Variants in TF observed in about 807,000 individuals in gnomAD.
The protein encoded by TF is serotransferrin.
TF carries 55 observed loss-of-function variants against 82.4 expected under a neutral mutation model. The ratio of observed to expected loss-of-function variants is 0.67; its 90% CI spans 0.54 to 0.84. The LOEUF (loss-of-function observed/expected upper bound fraction) is 0.84. Among genes scored for constraint, TF ranks in the 40% least tolerant of loss-of-function variants. The probability of loss-of-function intolerance (pLI) is 0.00; values close to 1 mark genes in which losing one functional copy is unlikely to be tolerated. For synonymous variants in TF, 332 were observed against 332.6 expected (o/e 1.00, Z 0.02); for missense variants, 737 against 868.4 (o/e 0.85, Z 1.90).
chr3:133,677,561 C>T, the TF span, among the ~76,000 whole-genome samples: 4 of 152,102 alleles, frequency 2.6e-5, no homozygotes, highest in Non-Finnish European at 5.9e-5. Context: ...CGCTTGAACC[C>T]GGGAGGCGGA....
At chr3:133,736,632 A>AAAAAAG in the TF span, among the ~76,000 whole-genome samples, 2 of 50,218 alleles carry the variant, frequency 4.0e-5, no homozygotes, top group East Asian at 7.3e-4. Context: ...ATGGAAAGCC[A>AAAAAAG]AAAAAAAAAA....
At position 133,786,458 on chromosome 3, in the gene TF, C is replaced by G. The variant is rs1191941132; in HGVS notation, c.*7838C>G. On this transcript the variant is annotated 3_prime_UTR_variant, in exon 17 of 17. Coordinates refer to ENST00000402696, the MANE Select transcript of TF (RefSeq NM_001063.4). ...AGAGAGGAAAGGAAGTGTAAGAGCT[C>G]TATGCCAATGTGCTTATAGTGAGGC... The G allele has an allele frequency of 6.6e-6, 1 of 152,116 alleles. No individual in the cohort carries two copies. Among genetic ancestry groups the G allele is most frequent in the Non-Finnish European group, 1.5e-5 (1 of 68,026 alleles). The allele number at this position is 152,116 out of a possible 1,614,324, so 9.4% of individuals were successfully genotyped here. A position where few individuals can be genotyped will look rare whatever the true frequency, so the allele number is the denominator to read the frequency against.
chr3:133,693,994 C>G, the TF span, among the ~76,000 whole-genome samples: 1 of 152,180 alleles, frequency 6.6e-6, no homozygotes, highest in Non-Finnish European at 1.5e-5. Flanking sequence ...GATGCCTAAA[C>G]CCGCAGGGAC....
At position 133,759,233 on chromosome 3, in the gene TF, C is replaced by T. The variant is rs112157819; in HGVS notation, c.1107C>T (p.His369=). The T allele has an allele frequency of 7.6e-5, 123 of 1,614,030 alleles. No individual in the cohort carries two copies. The African/African-American group carries it at 8.9e-4, about 12-fold the overall frequency. The part of the protein sequence containing the change: ...KPVKWCALSH[H]ERLKCDEWSV... ...TGAAGTGGTGTGCGCTGAGCCACCA[C>T]GAGAGGCTCAAGTGTGATGAGTGGA... The change falls in exon 9 of 17, where the codon CAC becomes CAT. Residue 369 remains histidine (H), a synonymous_variant. Transcript: ENST00000402696.
At chr3:133,732,363 TC>T in the TF span, among the ~76,000 whole-genome samples, 1 of 152,056 alleles carries the variant, frequency 6.6e-6, no homozygotes, top group Non-Finnish European at 1.5e-5. Flanking sequence ...CAGCATGCTG[TC>T]AAAACGGACC....
chr3:133,695,549 A>C, the TF span, among the ~76,000 whole-genome samples: 2 of 152,252 alleles, frequency 1.3e-5, no homozygotes, highest in Non-Finnish European at 2.9e-5. Flanking sequence ...TCTAGATATA[A>C]GTTGCCTTAT....
Position 133,768,116 on chromosome 3 carries a change from G to A in TF, c.1574G>A (p.Cys525Tyr). 1.2e-6 allele frequency: 2 copies of A among 1,614,172 alleles called. No individual in the cohort carries two copies. The highest frequency in any genetic ancestry group is 1.7e-6 in the Non-Finnish European group (2 of 1,180,042). Residue 525 changes from cysteine to tyrosine, a missense_variant, in exon 13 of 17, where the codon TGT (cysteine) becomes TAT (tyrosine). Cys to Tyr is a radical substitution (Grantham distance 194). Transcript: ENST00000402696. ...TGTATGGGCTCAGGCCTAAACCTGT[G>A]TGAACCCAACAACAAAGAGGGATAC... The part of the protein sequence containing the change: ...KLCMGSGLNL[C>Y]EPNNKEGYYG...
chr3:133,771,759 A>AG (rs1934265611), intron 14 of TF, among the ~76,000 whole-genome samples: 1 of 149,920 alleles, frequency 6.7e-6, no homozygotes, highest in Non-Finnish European at 1.5e-5. Context: ...AAAAAAAAAA[A>AG]AAAAAAAGAA....
intron 14 of TF, chr3:133,774,768 G>T (rs1934343044): frequency 5.5e-6 from 1 of 183,436 alleles, no homozygotes; most frequent in Non-Finnish European, 1.2e-5. Flanking sequence ...TAAAAAGGTT[G>T]CAATTCTGAA....
rs8177268 is a variant in TF at position 133,762,907 on chromosome 3, G to A, written c.1204-1275G>A. Among the ~76,000 whole-genome samples the A allele has an allele frequency of 5.1e-3, 781 of 152,312 alleles. 5 individuals carry two copies. The highest frequency in any genetic ancestry group is 0.018 in the African/African-American group (749 of 41,574). ...AAATAGGAAATTATTTGAAATGCAT[G>A]TTTCAAACTGTGAGGCAAACTCCAT... is the stretch of plus-strand genomic sequence containing the variant. On this transcript the variant is annotated intron_variant, in intron 9 of 16. Coordinates refer to ENST00000402696, the MANE Select transcript of TF (RefSeq NM_001063.4).
the TF span, among the ~76,000 whole-genome samples, chr3:133,740,910 GT>G: frequency 0.077 from 4,175 of 54,106 alleles, 89 homozygotes; most frequent in South Asian, 0.17. Context: ...CATTTTTCAT[GT>G]TTTTTTTTTT....
the TF span, among the ~76,000 whole-genome samples, chr3:133,675,121 T>G: frequency 6.6e-6 from 1 of 151,526 alleles, no homozygotes; most frequent in East Asian, 1.9e-4. Flanking sequence ...GGCGGGAGAC[T>G]GTAGTCCCAG....
At chr3:133,678,134 T>C in the TF span, among the ~76,000 whole-genome samples, 29 of 152,284 alleles carry the variant, frequency 1.9e-4, no homozygotes, top group African/African-American at 6.0e-4. Flanking sequence ...TCCTGTGTTA[T>C]TTTGCTGAGA....
chr3:133,729,696 G>C, the TF span, among the ~76,000 whole-genome samples: 1 of 152,140 alleles, frequency 6.6e-6, no homozygotes, highest in Non-Finnish European at 1.5e-5. Context: ...GCACTCCCTA[G>C]TGAGATGAAC....
chr3:133,704,269 A>G, the TF span: 3 of 228,726 alleles, frequency 1.3e-5, no homozygotes, highest in Middle Eastern at 5.6e-4. Context: ...ATTCATCTAC[A>G]TAGCAGGGAA....
chr3:133,696,793 C>T, the TF span, among the ~76,000 whole-genome samples: 2 of 142,002 alleles, frequency 1.4e-5, no homozygotes, highest in Admixed American at 7.0e-5. Flanking sequence ...ACTTCTTCTT[C>T]TTTTTTTTTT....
At chr3:133,775,225 C>G in intron 14 of TF, 1 of 622,564 alleles carries the variant, frequency 1.6e-6, no homozygotes, top group East Asian at 2.8e-5. Context: ...AGGGGATGGT[C>G]AATAATCATT....
upstream of TF, among the ~76,000 whole-genome samples, chr3:133,745,518 G>C (rs1029025516): frequency 1.3e-5 from 2 of 152,210 alleles, no homozygotes; most frequent in Admixed American, 1.3e-4. Context: ...GAAGGCACAA[G>C]TTCAATATTT....
At chr3:133,679,830 A>G in the TF span, among the ~76,000 whole-genome samples, 33 of 152,144 alleles carry the variant, frequency 2.2e-4, no homozygotes, top group Non-Finnish European at 3.7e-4. Flanking sequence ...TTAAATATCT[A>G]GAATTACTGG....
Sources: gnomAD v4.1 joint callset for allele counts (sites outside exome capture counted in the v4.1 genomes callset) on GRCh38, gnomAD v4.1.1 for gene constraint, MANE v1.5 for transcripts, NCBI Gene and HGNC (gene_info 2026-07-23, HGNC 2026-07-21) for gene names.